Variants in PIWIL2 observed in about 807,000 individuals in gnomAD.
PIWIL2 encodes piwi like RNA-mediated gene silencing 2.
In PIWIL2, 81 loss-of-function variants were observed where a neutral mutation model predicts 116.5. The ratio of observed to expected loss-of-function variants is 0.70; its 90% CI spans 0.58 to 0.84. The LOEUF (loss-of-function observed/expected upper bound fraction) is 0.84. Ranked by LOEUF, PIWIL2 falls within the 40% of genes least tolerant of loss-of-function variation. PIWIL2 has a pLI of 0.00. For synonymous variants in PIWIL2, 489 were observed against 429.5 expected (o/e 1.14, Z -1.71); for missense variants, 1,272 against 1,212.3 (o/e 1.05, Z -0.73).
intron 20 of PIWIL2, among the ~76,000 whole-genome samples, chr8:22,330,741 T>A (rs142142245): frequency 9.3e-4 from 131 of 140,596 alleles, no homozygotes; most frequent in African/African-American, 3.0e-3. Flanking sequence ...AATAAATAAA[T>A]AAAAATAGTT....
chr8:22,288,854 T>A (rs1830691709), intron 8 of PIWIL2, among the ~76,000 whole-genome samples, 188 bp downstream of exon 8: 5 of 152,208 alleles, frequency 3.3e-5, no homozygotes, highest in Admixed American at 3.3e-4. Flanking sequence ...TAGACCAGAT[T>A]TGAATATATG....
intron 20 of PIWIL2, among the ~76,000 whole-genome samples, chr8:22,327,548 G>A (rs1831754702): frequency 6.6e-6 from 1 of 151,536 alleles, no homozygotes; most frequent in South Asian, 2.1e-4. Context: ...TGTATTTTTA[G>A]TAGAGACGGG....
chr8:22,306,144 A>G, intron 13 of PIWIL2, 128 bp downstream of exon 13: 6 of 656,682 alleles, frequency 9.1e-6, no homozygotes, highest in South Asian at 5.5e-5. Context: ...GGGCCTGTCC[A>G]TTCTTCCAGC....
At chr8:22,280,694 C>T (rs1830479509) in intron 2 of PIWIL2, among the ~76,000 whole-genome samples, 1 of 152,128 alleles carries the variant, frequency 6.6e-6, no homozygotes, top group Non-Finnish European at 1.5e-5. Flanking sequence ...CATAAATGAT[C>T]CAGCTTTTTT....
Position 22,356,043 on chromosome 8 carries a change from A to T in PIWIL2, c.*538A>T, listed in dbSNP as rs1222322836. 3 of 151,854 alleles carry T rather than the reference A, an allele frequency of 2.0e-5. No individual in the cohort carries two copies. The highest frequency in any genetic ancestry group is 4.4e-5 in the Non-Finnish European group (3 of 68,400). 9.4% of individuals were successfully genotyped at this position (151,854 alleles called of 1,614,324 possible). On this transcript the variant is annotated 3_prime_UTR_variant, in exon 23 of 23. Coordinates refer to ENST00000356766, the MANE Select transcript of PIWIL2 (RefSeq NM_018068.5). ...AGCCGAGATCACGCCACTGCACTCC[A>T]GCCTGTTGACAAAGCAAGACTCTGT...
chr8:22,316,744 A>G (rs1369489244), intron 19 of PIWIL2, among the ~76,000 whole-genome samples: 1 of 151,498 alleles, frequency 6.6e-6, no homozygotes, highest in Non-Finnish European at 1.5e-5. Context: ...AGCCTCCCAC[A>G]GTGCTTGGAT....
At chr8:22,292,884 G>A (rs1586545795) in intron 10 of PIWIL2, among the ~76,000 whole-genome samples, 1 of 152,274 alleles carries the variant, frequency 6.6e-6, no homozygotes, top group Non-Finnish European at 1.5e-5. Flanking sequence ...AAAGATCTTA[G>A]TTTCTATTTG....
chr8:22,330,480 C>T (rs1325621798), intron 20 of PIWIL2, among the ~76,000 whole-genome samples: 1 of 151,568 alleles, frequency 6.6e-6, no homozygotes, highest in African/African-American at 2.4e-5. Context: ...GGGTGGATCA[C>T]GAGGTCAGGG....
intron 12 of PIWIL2, among the ~76,000 whole-genome samples, 161 bp from the exon 13 acceptor site, chr8:22,305,766 A>G (rs185734589): frequency 1.6e-4 from 24 of 152,306 alleles, no homozygotes; most frequent in African/African-American, 5.8e-4. Context: ...AAAGGTTAAA[A>G]TACTTCTAGC....
intron 12 of PIWIL2, among the ~76,000 whole-genome samples, chr8:22,305,172 C>CATTCATTCATTT (rs35865110): frequency 6.9e-6 from 1 of 143,940 alleles, no homozygotes; most frequent in Non-Finnish European, 1.5e-5. Flanking sequence ...TATAGATATT[C>CATTCATTCATTT]ATTTATTTAT....
intron 2 of PIWIL2, among the ~76,000 whole-genome samples, 161 bp downstream of exon 2, chr8:22,279,745 G>T (rs1251699094): frequency 2.0e-5 from 3 of 152,222 alleles, no homozygotes; most frequent in African/African-American, 7.2e-5. Context: ...CTGAGGTCGG[G>T]AGTTCAAGAC....
intron 20 of PIWIL2, among the ~76,000 whole-genome samples, chr8:22,321,282 T>A (rs1460928505): frequency 2.6e-5 from 4 of 152,040 alleles, no homozygotes; most frequent in Non-Finnish European, 5.9e-5. Context: ...GGCTAATTGT[T>A]AAAAATTTTT....
intron 20 of PIWIL2, chr8:22,321,774 A>G (rs1212021098): frequency 1.7e-6 from 1 of 599,062 alleles, no homozygotes; most frequent in East Asian, 1.4e-4. Context: ...AGCAGCCTCA[A>G]CAAATTTGCT....
chr8:22,277,389 C>T (rs920332910), intron 1 of PIWIL2, among the ~76,000 whole-genome samples: 2 of 152,092 alleles, frequency 1.3e-5, no homozygotes, highest in Non-Finnish European at 2.9e-5. Flanking sequence ...CCAGGGAGAG[C>T]CTCACCCCGG....
intron 17 of PIWIL2, among the ~76,000 whole-genome samples, chr8:22,314,666 G>C (rs1831412499): frequency 6.6e-6 from 1 of 152,180 alleles, no homozygotes; most frequent in Non-Finnish European, 1.5e-5. Context: ...TGAGTCACCA[G>C]GTGGTTTCAT....
At chr8:22,334,009 G>T (rs906942887) in intron 20 of PIWIL2, among the ~76,000 whole-genome samples, 5 of 149,268 alleles carry the variant, frequency 3.3e-5, no homozygotes, top group Middle Eastern at 3.5e-3. Context: ...TTCACTCGTT[G>T]CCCAGGCTGG....
At chr8:22,337,948 G>A (rs1832018580) in intron 20 of PIWIL2, among the ~76,000 whole-genome samples, 1 of 151,938 alleles carries the variant, frequency 6.6e-6, no homozygotes, top group South Asian at 2.1e-4. Flanking sequence ...ACAAGTATTA[G>A]CAGGGTGTGG....
In PIWIL2 at chr8:22,340,045, A is replaced by ATTTTT. The variant is rs10626386; in HGVS notation, c.2404-12894_2404-12890dup. The stretch of plus-strand genomic sequence containing the variant: ...GAGTGAACCTAACTGTATAAAAAGA[A>ATTTTT]TTTTTTTTTTTTTTTTTTTTTTTTG... On this transcript the variant is annotated intron_variant, in intron 20 of 22. Transcript: ENST00000356766. 8.8e-3 allele frequency among the ~76,000 whole-genome samples: 826 copies of ATTTTT among 93,658 alleles called. 12 individuals are homozygous for ATTTTT. The highest frequency in any genetic ancestry group is 0.024 in the East Asian group (62 of 2,534). 61.4% of individuals were successfully genotyped at this position (93,658 alleles called of 152,430 possible).
chr8:22,304,661 G>A, intron 11 of PIWIL2, 123 bp from the exon 12 acceptor site: 3 of 573,458 alleles, frequency 5.2e-6, no homozygotes, highest in Non-Finnish European at 3.2e-6. Flanking sequence ...GTTTGCAGTG[G>A]CTCCTTGACA....
Sources: gnomAD v4.1 joint callset for allele counts (sites outside exome capture counted in the v4.1 genomes callset) on GRCh38, gnomAD v4.1.1 for gene constraint, MANE v1.5 for transcripts, NCBI Gene and HGNC (gene_info 2026-07-23, HGNC 2026-07-21) for gene names.